Variants in TSC2 observed in about 807,000 individuals in gnomAD.
The protein encoded by TSC2 is TSC complex subunit 2, also known as tuberin.
In TSC2, 29 loss-of-function variants were observed where a neutral mutation model predicts 202.2. The observed-to-expected ratio is 0.14, with a 90% CI of 0.11 to 0.20. TSC2 has a LOEUF of 0.20. Among genes scored for constraint, TSC2 ranks in the 10% least tolerant of loss-of-function variants. TSC2 has a pLI of 1.00. For missense variants in TSC2, 2,429 were observed against 2,420.0 expected, an observed-to-expected ratio of 1.00 and a Z score of -0.08; for synonymous variants, 1,349 against 1,044.0, an observed-to-expected ratio of 1.29 and a Z score of -5.63.
chr16:2,048,651 G>A lies in TSC2; in HGVS notation c.36G>A (p.Lys12=), dbSNP rs1596233951. 3 of 1,613,992 alleles carry A rather than the reference G, an allele frequency of 1.9e-6. No individual in the cohort carries two copies. Among genetic ancestry groups the A allele is most frequent in the Non-Finnish European group, 2.5e-6 (3 of 1,180,026 alleles). Residue 12 remains lysine, a synonymous_variant, in exon 2 of 42, where the codon AAG becomes AAA. Coordinates refer to ENST00000219476, the MANE Select transcript of TSC2 (RefSeq NM_000548.5). ...AKPTSKDSGL[K]EKFKILLGLG... ...CAACAAGCAAAGATTCAGGCTTGAA[G>A]GAGAAGTTTAAGATTCTGTTGGGAC...
At chr16:2,076,737 T>C (rs2089440260) in intron 25 of TSC2, 152 bp downstream of exon 25, 2 of 777,822 alleles carry the variant, frequency 2.6e-6, no homozygotes, top group South Asian at 1.6e-5. Context: ...CAAGGGCCGC[T>C]AACACCCCTC....
rs769659537 is a variant in TSC2, at chr16:2,079,261, C to G, written c.3132-15C>G. On this transcript the variant is annotated splice_polypyrimidine_tract_variant and intron_variant, in intron 27 of 41. Coordinates refer to ENST00000219476, the MANE Select transcript of TSC2 (RefSeq NM_000548.5). This position sits in a 1 kb window ranked among gnomAD's most constrained non-coding sequence, Gnocchi z 4.6. ...CTCCACGGGCAAGCTGGGTTTCACG[C>G]TCCCTGTCTTCTAGGTCTCCTGTGG... 6.2e-7 allele frequency: 1 copy of G among 1,612,982 alleles called. No homozygotes were observed. Among genetic ancestry groups the G allele is most frequent in the Non-Finnish European group, 8.5e-7 (1 of 1,180,026 alleles).
chr16:2,077,473 C>T lies in TSC2; in HGVS notation c.2838-125C>T, dbSNP rs1398461337. The stretch of plus-strand genomic sequence containing the variant: ...CATGGCTCTTTTTGCTCATCTCACC[C>T]GCGGGATCTCTCCATCCTGACCCTG... On this transcript the variant is annotated intron_variant, in intron 25 of 41. Coordinates refer to ENST00000219476, the MANE Select transcript of TSC2 (RefSeq NM_000548.5). 7.6e-6 allele frequency: 11 copies of T among 1,446,264 alleles called. No homozygotes were observed. In the East Asian group the frequency reaches 1.1e-4, roughly 15 times the overall value. The allele number at this position is 1,446,264 out of a possible 1,614,324, so 89.6% of individuals were successfully genotyped here.
intron 17 of TSC2, among the ~76,000 whole-genome samples, chr16:2,070,937 G>GACGGC (rs1450016184): frequency 1.4e-4 from 21 of 151,916 alleles, no homozygotes; most frequent in African/African-American, 4.4e-4. Context: ...GCAGAGCTGA[G>GACGGC]AGGGCAGAGC....
chr16:2,088,753 G>C lies in TSC2; in HGVS notation c.*143G>C, dbSNP rs558109446. On this transcript the variant is annotated 3_prime_UTR_variant, in exon 42 of 42. Coordinates refer to ENST00000219476, the MANE Select transcript of TSC2 (RefSeq NM_000548.5). ...TATTGACTTTGTCTGCTTGGTGCGG[G>C]GGTTGGGGGGGTGTCGAGGCTCTAG... 2.4e-5 allele frequency: 28 copies of C among 1,190,192 alleles called. 1 individual carries two copies. In the South Asian group the frequency reaches 3.7e-4, roughly 16 times the overall value. The allele number at this position is 1,190,192 out of a possible 1,614,324, so 73.7% of individuals were successfully genotyped here.
chr16:2,051,191 A>G (rs1486919047), intron 3 of TSC2, among the ~76,000 whole-genome samples: 1 of 151,944 alleles, frequency 6.6e-6, no homozygotes, highest in Non-Finnish European at 1.5e-5. Flanking sequence ...ATGGTGGCAC[A>G]TGCCTGTAAT....
intron 5 of TSC2, 172 bp from the exon 6 acceptor site, chr16:2,055,230 C>T: frequency 1.4e-6 from 1 of 694,150 alleles, no homozygotes; most frequent in Admixed American, 2.0e-5. Context: ...CTGCCCTGGG[C>T]TCCCCTGAGC....
At chr16:2,084,153 C>T in intron 33 of TSC2, 75 bp from the exon 34 acceptor site, 4 of 1,549,172 alleles carry the variant, frequency 2.6e-6, no homozygotes, top group Admixed American at 2.0e-5. Flanking sequence ...TAGGGCCTCA[C>T]CACCTCCAGG....
At chr16:2,074,941 C>T (rs1271455687) in intron 22 of TSC2, 1 of 178,372 alleles carries the variant, frequency 5.6e-6, no homozygotes, top group South Asian at 1.2e-4. Context: ...CCTGGCCAGG[C>T]GCGGTGGCTC....
rs888878542 is a variant in TSC2 at position 2,056,717 on chromosome 16, T to C, written c.722T>C (p.Val241Ala). The C allele has an allele frequency of 1.2e-6, 2 of 1,612,484 alleles. No homozygotes were observed. The highest frequency in any genetic ancestry group is 1.7e-6 in the Non-Finnish European group (2 of 1,180,010). ...GCTGAGAGCCTCCCGCTGTTCATCG[T>C]TACCCTCTGTCGCACCATCAACGTC... is the stretch of plus-strand genomic sequence containing the variant. ...LPAESLPLFI[V>A]TLCRTINVKE... Residue 241 changes from valine to alanine, a missense_variant, in exon 8 of 42, where the codon GTT becomes GCT. Coordinates refer to ENST00000219476, the MANE Select transcript of TSC2 (RefSeq NM_000548.5).
intron 17 of TSC2, 23 bp downstream of exon 17, chr16:2,070,601 G>T: frequency 4.3e-6 from 7 of 1,612,778 alleles, no homozygotes; most frequent in Non-Finnish European, 5.9e-6. Flanking sequence ...GGGTTGCGCA[G>T]CCAGTTCCTG....
chr16:2,064,129 G>GTGCT (rs2086986575), intron 14 of TSC2, 143 bp from the exon 15 acceptor site: 1 of 1,345,502 alleles, frequency 7.4e-7, no homozygotes, highest in Admixed American at 1.7e-5. Context: ...CGCTCAGCGG[G>GTGCT]TGCTTGTGCT....
chr16:2,084,806 G>C (rs891287581), intron 34 of TSC2, 91 bp downstream of exon 34: 1 of 1,598,362 alleles, frequency 6.3e-7, no homozygotes, highest in African/African-American at 1.3e-5. Context: ...GCTGGGGTGG[G>C]GTCCTCGCCT....
intron 19 of TSC2, 87 bp from the exon 20 acceptor site, chr16:2,072,154 A>G (rs2088533414): frequency 1.2e-5 from 20 of 1,602,618 alleles, no homozygotes; most frequent in Non-Finnish European, 1.7e-5. Flanking sequence ...GACGCTGTGC[A>G]GCCACAAAGC....
chr16:2,059,377 T>C (rs377661250), intron 10 of TSC2, among the ~76,000 whole-genome samples: 28 of 148,476 alleles, frequency 1.9e-4, no homozygotes, highest in South Asian at 6.5e-4. Context: ...AGTTTTACTC[T>C]TGTTGCCCAG....
chr16:2,077,950 G>T (rs562755040), intron 26 of TSC2, among the ~76,000 whole-genome samples: 1 of 152,312 alleles, frequency 6.6e-6, no homozygotes, highest in African/African-American at 2.4e-5. Flanking sequence ...TCGGGGTGCC[G>T]CTCCGAGAGA....
At chr16:2,087,205 C>T (rs1285289129) in intron 38 of TSC2, 6 of 426,074 alleles carry the variant, frequency 1.4e-5, no homozygotes, top group African/African-American at 1.0e-4. Context: ...TGTCAGGCTG[C>T]TCAGTTGGTT....
At position 2,073,001 on chromosome 16, in the gene TSC2, G is replaced by T; in HGVS notation, c.2355+18G>T. ...CCAAACAGGTAGGAGGTCAGAGCAG[G>T]ACAGGCGAGCTTGATGGGGCCTGGG... On this transcript the variant is annotated intron_variant, in intron 21 of 41. Coordinates refer to ENST00000219476, the MANE Select transcript of TSC2 (RefSeq NM_000548.5). 1 of 1,613,174 alleles carries T rather than the reference G, an allele frequency of 6.2e-7. No homozygotes were observed. Among genetic ancestry groups the T allele is most frequent in the Non-Finnish European group, 8.5e-7 (1 of 1,180,004 alleles).
At chr16:2,069,957 A>G (rs1289230545) in intron 16 of TSC2, among the ~76,000 whole-genome samples, 3 of 152,182 alleles carry the variant, frequency 2.0e-5, no homozygotes, top group Non-Finnish European at 2.9e-5. Flanking sequence ...AAAGGTGTTA[A>G]TCATTTCTTT....
Sources: gnomAD v4.1 joint callset for allele counts (sites outside exome capture counted in the v4.1 genomes callset) on GRCh38, gnomAD v4.1.1 for gene constraint, Gnocchi (gnomAD v3.1) non-coding constraint, MANE v1.5 for transcripts, NCBI Gene and HGNC (gene_info 2026-07-23, HGNC 2026-07-21) for gene names.